Variants in DSE observed in about 807,000 individuals in gnomAD.
DSE encodes the protein dermatan-sulfate epimerase.
Under a neutral mutation model 84.4 loss-of-function variants are expected in DSE, and 36 were observed. The ratio of observed to expected loss-of-function variants is 0.43; its 90% CI spans 0.33 to 0.56. DSE has a LOEUF of 0.56. DSE is among the 20% of genes least tolerant of loss of function. The probability of loss-of-function intolerance (pLI) is 0.06; values close to 1 mark genes in which losing one functional copy is unlikely to be tolerated. For missense variants in DSE, 862 were observed against 1,169.6 expected, an observed-to-expected ratio of 0.74 and a Z score of 3.84; for synonymous variants, 410 against 430.1, an observed-to-expected ratio of 0.95 and a Z score of 0.58.
intron 2 of DSE, among the ~76,000 whole-genome samples, chr6:116,338,160 C>T (rs546197390): frequency 3.8e-4 from 46 of 122,596 alleles, no homozygotes; most frequent in Non-Finnish European, 6.3e-4. Flanking sequence ...TTTGTGCCTT[C>T]CTTTCTGTCT....
At chr6:116,338,666 C>T (rs1420675862) in intron 2 of DSE, among the ~76,000 whole-genome samples, 1 of 152,190 alleles carries the variant, frequency 6.6e-6, no homozygotes, top group Admixed American at 6.5e-5. Context: ...ATTTGACTCA[C>T]ACCCAACCAG....
chr6:116,331,661 T>C (rs1486283559), intron 2 of DSE, among the ~76,000 whole-genome samples: 2 of 152,050 alleles, frequency 1.3e-5, no homozygotes, highest in Non-Finnish European at 2.9e-5. Context: ...GGAAGAAGAA[T>C]TGAAAAGAAC....
intron 2 of DSE, chr6:116,259,325 A>T: frequency 6.4e-6 from 3 of 470,078 alleles, no homozygotes; most frequent in South Asian, 4.8e-5. Flanking sequence ...TAGACTTACC[A>T]GTGTATGAAA....
At chr6:116,347,933 TAAAC>T (rs74968941) in intron 2 of DSE, among the ~76,000 whole-genome samples, 30,053 of 151,898 alleles carry the variant, frequency 0.2, 3,219 homozygotes, top group East Asian at 0.29. Context: ...ACAAAGAACT[TAAAC>T]AAATTTATGA....
intron 1 of DSE, among the ~76,000 whole-genome samples, chr6:116,257,884 T>C (rs933061657): frequency 2.0e-4 from 31 of 152,166 alleles, no homozygotes; most frequent in Non-Finnish European, 3.7e-4. Flanking sequence ...ACTCAGTCTA[T>C]AGCCTGCCCC....
At chr6:116,382,661 G>C (rs1398624679) in intron 1 of DSE, among the ~76,000 whole-genome samples, 1 of 152,166 alleles carries the variant, frequency 6.6e-6, no homozygotes, top group Non-Finnish European at 1.5e-5. Flanking sequence ...GACAAAGGAA[G>C]AAATGAATGC....
chr6:116,254,362 T>C, intron 1 of DSE: 1 of 512,424 alleles, frequency 2.0e-6, no homozygotes, highest in Non-Finnish European at 3.8e-6. Context: ...AACCTATTGT[T>C]TCTGAAAATA....
chr6:116,279,731 G>A (rs772140391), intron 2 of DSE: 1 of 1,611,772 alleles, frequency 6.2e-7, no homozygotes, highest in Non-Finnish European at 8.5e-7. Context: ...CGGAGCCTCA[G>A]GTACTGGTGT....
intron 2 of DSE, among the ~76,000 whole-genome samples, chr6:116,336,113 T>C (rs1777237248): frequency 6.6e-6 from 1 of 152,238 alleles, no homozygotes; most frequent in African/African-American, 2.4e-5. Context: ...ATCAACTCCT[T>C]TGGAATCCAG....
At position 116,441,217 on chromosome 6, in the gene DSE, C is replaced by CA. The variant is rs1305011586; in HGVS notation, c.*3874dup. The CA allele has an allele frequency of 6.6e-6, 1 of 152,076 alleles. No homozygotes were observed. Among genetic ancestry groups the CA allele is most frequent in the East Asian group, 1.9e-4 (1 of 5,198 alleles). 9.4% of individuals were successfully genotyped at this position (152,076 alleles called of 1,614,324 possible). ...TTTAATATGTTCAAATTCTGTTAAA[C>CA]AAGACATAGTCACTATGTGAAGAAT... On this transcript the variant is annotated 3_prime_UTR_variant, in exon 6 of 6. Transcript: ENST00000644252.
chr6:116,383,713 G>A (rs1430299379), intron 1 of DSE, among the ~76,000 whole-genome samples: 2 of 152,152 alleles, frequency 1.3e-5, no homozygotes, highest in Non-Finnish European at 2.9e-5. Context: ...CTGGGAGATA[G>A]ATATTTCTAT....
intron 2 of DSE, among the ~76,000 whole-genome samples, chr6:116,317,907 A>G (rs753882746): frequency 6.6e-6 from 1 of 152,242 alleles, no homozygotes; most frequent in Non-Finnish European, 1.5e-5. Context: ...CAGGAAAACA[A>G]GAATAATTGT....
chr6:116,353,064 C>T (rs1224175327), intron 2 of DSE, among the ~76,000 whole-genome samples: 2 of 152,186 alleles, frequency 1.3e-5, no homozygotes, highest in African/African-American at 4.8e-5. Context: ...AGTGGTTGGG[C>T]TTCCCCACTA....
At chr6:116,386,179 A>T (rs147461449) in intron 1 of DSE, among the ~76,000 whole-genome samples, 24 of 152,354 alleles carry the variant, frequency 1.6e-4, no homozygotes, top group African/African-American at 4.6e-4. Context: ...GTCAGAGAAA[A>T]ATAGCAAAAG....
chr6:116,310,682 A>G lies in DSE; in HGVS notation c.-54+51715A>G, dbSNP rs552542652. ...ATCCCAAATCTACACACTTTTCAGC[A>G]TATTTATCATGTCCACCCTAGTATA... is the stretch of plus-strand genomic sequence containing the variant. On this transcript the variant is annotated intron_variant, in intron 2 of 3. Transcript: ENST00000430252. 1.3e-4 allele frequency among the ~76,000 whole-genome samples: 20 copies of G among 152,240 alleles called. No homozygotes were observed. The East Asian group carries it at 3.7e-3, about 28-fold the overall frequency.
At chr6:116,388,512 A>G (rs1414442529) in intron 1 of DSE, among the ~76,000 whole-genome samples, 1 of 152,266 alleles carries the variant, frequency 6.6e-6, no homozygotes, top group East Asian at 1.9e-4. Context: ...AAGAAGTCAC[A>G]TATGTAAACA....
intron 2 of DSE, chr6:116,279,750 G>T (rs1191399836): frequency 1.2e-6 from 2 of 1,612,188 alleles, no homozygotes; most frequent in Non-Finnish European, 1.7e-6. Flanking sequence ...GTGCGTCCTG[G>T]TCGCTCGGGA....
chr6:116,334,828 CA>C (rs1777147499), intron 2 of DSE, among the ~76,000 whole-genome samples: 1 of 152,138 alleles, frequency 6.6e-6, no homozygotes, highest in African/African-American at 2.4e-5. Flanking sequence ...AAATGCAAAT[CA>C]AAACCACAGG....
intron 2 of DSE, among the ~76,000 whole-genome samples, chr6:116,328,817 A>G (rs1426595192): frequency 6.6e-6 from 1 of 152,104 alleles, no homozygotes; most frequent in Non-Finnish European, 1.5e-5. Context: ...TTGCTTCACT[A>G]TTTTTCTCAT....
Sources: gnomAD v4.1 joint callset for allele counts (sites outside exome capture counted in the v4.1 genomes callset) on GRCh38, gnomAD v4.1.1 for gene constraint, MANE v1.5 for transcripts, NCBI Gene and HGNC (gene_info 2026-07-23, HGNC 2026-07-21) for gene names.